ST7: variants seen among roughly 807,000 people sequenced by gnomAD.
ST7 encodes suppressor of tumorigenicity 7 protein.
ST7 carries 28 observed loss-of-function variants against 78.7 expected under a neutral mutation model. The ratio of observed to expected loss-of-function variants is 0.36; its 90% CI spans 0.26 to 0.49. The LOEUF (loss-of-function observed/expected upper bound fraction) is 0.49, where lower values mean the gene tolerates loss of function less well. Ranked by LOEUF, ST7 falls within the 20% of genes least tolerant of loss-of-function variation. The pLI is 0.99. For missense variants in ST7, 418 were observed against 696.0 expected (o/e 0.60, Z 4.49); for synonymous variants, 247 against 249.6 (o/e 0.99, Z 0.10).
intron 2 of ST7, among the ~76,000 whole-genome samples, chr7:117,104,771 T>A (rs1480877737): frequency 6.6e-6 from 1 of 152,188 alleles, no homozygotes; most frequent in East Asian, 1.9e-4. Context: ...ATTGCAGAGA[T>A]GAACAGAAAA....
intron 1 of ST7, among the ~76,000 whole-genome samples, chr7:117,085,097 AGGAAGG>A (rs1800042041): frequency 6.6e-6 from 1 of 152,204 alleles, no homozygotes; most frequent in Admixed American, 6.5e-5. Context: ...AAAAGAATAA[AGGAAGG>A]GAGAAAAACA....
chr7:117,097,063 TACTG>T (rs1443558359), intron 1 of ST7, among the ~76,000 whole-genome samples: 3 of 152,192 alleles, frequency 2.0e-5, no homozygotes, highest in African/African-American at 7.2e-5. Flanking sequence ...TTTTTTCACT[TACTG>T]ATTAAATCTT....
chr7:116,956,321 G>A (rs1298751359), intron 1 of ST7: 1 of 361,520 alleles, frequency 2.8e-6, no homozygotes, highest in Non-Finnish European at 5.6e-6. Context: ...GAAGTCATTA[G>A]CCAGCACCCC....
intron 12 of ST7, among the ~76,000 whole-genome samples, chr7:117,199,836 A>G (rs983477062): frequency 1.3e-5 from 2 of 152,242 alleles, no homozygotes; most frequent in Admixed American, 6.5e-5. Flanking sequence ...GAGTTGGGGC[A>G]GATAGCCCAG....
At chr7:117,069,034 G>C (rs1413513368) in intron 1 of ST7, among the ~76,000 whole-genome samples, 5 of 152,214 alleles carry the variant, frequency 3.3e-5, no homozygotes, top group African/African-American at 1.2e-4. Context: ...TAGTCAAGGA[G>C]GTGCTTGGCT....
In ST7 at chr7:117,192,224, T is replaced by G. The variant is rs552981271; in HGVS notation, c.1254+1288T>G. On this transcript the variant is annotated intron_variant, in intron 12 of 15. Transcript: ENST00000323984. ...CTAATCATGAAAAAATTATCCTGAA[T>G]TACAGTAAACTGAGGTCATCTATGA... Among the ~76,000 whole-genome samples, 3 of 152,344 alleles carry G rather than the reference T, an allele frequency of 2.0e-5. No individual in the cohort carries two copies. In the East Asian group the frequency reaches 5.8e-4, roughly 29 times the overall value.
At chr7:117,187,354 TA>T (rs1013235358) in intron 10 of ST7, among the ~76,000 whole-genome samples, 1 of 152,312 alleles carries the variant, frequency 6.6e-6, no homozygotes, top group African/African-American at 2.4e-5. Flanking sequence ...ATATTTTGGT[TA>T]TTTTTTTTAA....
chr7:117,191,077 G>A lies in ST7; in HGVS notation c.1254+141G>A, dbSNP rs943171574. 11 of 663,722 alleles carry A rather than the reference G, an allele frequency of 1.7e-5. 1 individual carries two copies. Among genetic ancestry groups the A allele is most frequent in the Admixed American group, 1.4e-4 (5 of 36,812 alleles). The allele number at this position is 663,722 out of a possible 1,614,324, so 41.1% of individuals were successfully genotyped here. A position where few individuals can be genotyped will look rare whatever the true frequency, so the allele number is the denominator to read the frequency against. ...TGTTGAGACCCTGTATAATGTATGG[G>A]CATTAGCCTCATTTTAAGCAAAAGC... On this transcript the variant is annotated intron_variant, in intron 12 of 15. Transcript: ENST00000323984.
At chr7:117,222,723 G>A (rs1793178334) in intron 15 of ST7, 1 of 705,240 alleles carries the variant, frequency 1.4e-6, no homozygotes, top group African/African-American at 1.8e-5. Flanking sequence ...TACTGATCTT[G>A]CCACAGATGA....
chr7:117,028,523 G>T (rs1302899702), intron 1 of ST7, among the ~76,000 whole-genome samples: 1 of 152,086 alleles, frequency 6.6e-6, no homozygotes, highest in African/African-American at 2.4e-5. Flanking sequence ...GGTAGGGTCT[G>T]GCCTGGTGGT....
chr7:117,151,689 G>A (rs1039402724), intron 9 of ST7, among the ~76,000 whole-genome samples: 4 of 152,004 alleles, frequency 2.6e-5, no homozygotes, highest in African/African-American at 4.8e-5. Flanking sequence ...ATCTTCCATG[G>A]CACTTGATAG....
intron 1 of ST7, among the ~76,000 whole-genome samples, chr7:117,008,163 G>GGT (rs1221691747): frequency 1.3e-5 from 2 of 152,086 alleles, no homozygotes; most frequent in Admixed American, 1.3e-4. Context: ...CCCTTAATGA[G>GGT]GTAGGTATCA....
chr7:117,216,641 C>T (rs972520010), intron 13 of ST7, among the ~76,000 whole-genome samples: 7 of 152,098 alleles, frequency 4.6e-5, no homozygotes, highest in East Asian at 1.9e-4. Flanking sequence ...GTGCCTCTAC[C>T]GGCCTCTCTC....
At chr7:117,002,863 G>A (rs1219194690) in intron 1 of ST7, among the ~76,000 whole-genome samples, 1 of 58,086 alleles carries the variant, frequency 1.7e-5, no homozygotes, top group East Asian at 6.2e-4. Context: ...TGCTCTAGTT[G>A]CCCAGGCTGG....
intron 1 of ST7, among the ~76,000 whole-genome samples, chr7:117,023,321 C>G (rs1482177884): frequency 1.3e-5 from 2 of 152,164 alleles, no homozygotes; most frequent in East Asian, 3.8e-4. Flanking sequence ...GCTAGTTCTT[C>G]AAAGTTAAAG....
At chr7:117,059,270 A>AT (rs1288618873) in intron 1 of ST7, among the ~76,000 whole-genome samples, 1 of 152,194 alleles carries the variant, frequency 6.6e-6, no homozygotes, top group Non-Finnish European at 1.5e-5. Flanking sequence ...GGTATTACAC[A>AT]TTGCATGCCT....
Position 117,119,829 on chromosome 7 carries a change from G to A in ST7, c.394+109G>A, listed in dbSNP as rs1803215711. The A allele has an allele frequency of 6.9e-6, 9 of 1,312,892 alleles. No individual in the cohort carries two copies. In the East Asian group the frequency reaches 2.3e-4, roughly 34 times the overall value. 81.3% of individuals were successfully genotyped at this position (1,312,892 alleles called of 1,614,324 possible). A position where few individuals can be genotyped will look rare whatever the true frequency, so the allele number is the denominator to read the frequency against. ...GTTGTTATTTAAACATTAGGCTTCA[G>A]AGAAAAATGCAGATCATTTTCCCAT... On this transcript the variant is annotated intron_variant, in intron 3 of 15. Transcript: ENST00000323984.
chr7:116,981,773 T>C (rs1338625377), intron 1 of ST7, among the ~76,000 whole-genome samples: 1 of 152,202 alleles, frequency 6.6e-6, no homozygotes, highest in Non-Finnish European at 1.5e-5. Flanking sequence ...AAAATAATGA[T>C]AAAAGTGTAG....
intron 2 of ST7, among the ~76,000 whole-genome samples, chr7:117,113,944 C>T (rs901032946): frequency 1.3e-5 from 2 of 152,124 alleles, no homozygotes; most frequent in Non-Finnish European, 2.9e-5. Flanking sequence ...GTTAATGCTG[C>T]GGTGGAAAAT....
Sources: allele counts gnomAD v4.1 joint callset (sites outside exome capture counted in the v4.1 genomes callset), GRCh38; gene constraint gnomAD v4.1.1; transcripts MANE v1.5; gene names NCBI Gene and HGNC (gene_info 2026-07-23, HGNC 2026-07-21).